The following GALNT8 variants were observed in gnomAD, a reference collection of about 807,000 sequenced individuals.
GALNT8 encodes the protein polypeptide N-acetylgalactosaminyltransferase 8, also known as probable polypeptide N-acetylgalactosaminyltransferase 8.
GALNT8 carries 66 observed loss-of-function variants against 62.7 expected under a neutral mutation model. That is an observed-to-expected ratio of 1.05 (90% CI 0.86 to 1.29). GALNT8 has a LOEUF of 1.29. GALNT8 is among the 50% of genes most tolerant of loss of function. The pLI is 0.00. For missense variants in GALNT8, 771 were observed against 791.8 expected, an observed-to-expected ratio of 0.97 and a Z score of 0.32; for synonymous variants, 288 against 294.3, an observed-to-expected ratio of 0.98 and a Z score of 0.22.
Position 4,726,398 on chromosome 12 carries a change from C to T in GALNT8, c.212-134C>T. 3 of 650,002 alleles carry T rather than the reference C, an allele frequency of 4.6e-6. No individual in the cohort carries two copies. Among genetic ancestry groups the T allele is most frequent in the Non-Finnish European group, 5.3e-6 (2 of 380,542 alleles). 40.3% of individuals were successfully genotyped at this position (650,002 alleles called of 1,614,324 possible). On this transcript the variant is annotated intron_variant, in intron 1 of 10. Coordinates refer to ENST00000252318, the MANE Select transcript of GALNT8 (RefSeq NM_017417.2). The surrounding 1 kb of genome is among the most constrained non-coding windows in gnomAD (Gnocchi z 4.1). ...TAAGTTCCCTGACATACTACATCCTCTGTGACAAGAGCTTATAAGTTTTAA... is the reference window on the plus strand; with the variant it reads ...TAAGTTCCCTGACATACTACATCCTTTGTGACAAGAGCTTATAAGTTTTAA...
intron 10 of GALNT8, among the ~76,000 whole-genome samples, chr12:4,770,605 T>C (rs1488425165): frequency 6.6e-6 from 1 of 152,206 alleles, no homozygotes; most frequent in East Asian, 1.9e-4. Flanking sequence ...TTAGTTCTTA[T>C]AAAACATAGT....
chr12:4,770,716 G>A (rs561273004), intron 10 of GALNT8, among the ~76,000 whole-genome samples: 241 of 152,260 alleles, frequency 1.6e-3, no homozygotes, highest in Middle Eastern at 0.01. Context: ...TGTAGTAAAT[G>A]CCCAGCACTC....
At chr12:4,759,192 A>T (rs909367574) in intron 6 of GALNT8, among the ~76,000 whole-genome samples, 9 of 152,088 alleles carry the variant, frequency 5.9e-5, no homozygotes, top group Admixed American at 2.0e-4. Flanking sequence ...GAGTAAGGTA[A>T]TATTTGGATT....
chr12:4,726,773 G>C lies in GALNT8; in HGVS notation c.453G>C (p.Ala151=), dbSNP rs113018449. 8 of 1,613,996 alleles carry C rather than the reference G, an allele frequency of 5.0e-6. No homozygotes were observed. The highest frequency in any genetic ancestry group is 2.2e-5 in the South Asian group (2 of 91,064). The change falls in exon 2 of 11, where the codon GCG becomes GCC. Residue 151 remains alanine, a synonymous_variant. Transcript: ENST00000252318. This position sits in a 1 kb window ranked among gnomAD's most constrained non-coding sequence, Gnocchi z 4.1. ...TCTTCCGGAAGTTTGGTTACAACGC[G>C]TACCTCAGCAACCAGCTGCCTCTCA... is the stretch of plus-strand genomic sequence containing the variant. ...QDLFRKFGYN[A]YLSNQLPLNR... is the part of the protein sequence containing the mutation.
intron 6 of GALNT8, among the ~76,000 whole-genome samples, 161 bp downstream of exon 6, chr12:4,746,419 G>A (rs1461422670): frequency 2.0e-5 from 3 of 152,140 alleles, no homozygotes; most frequent in Admixed American, 1.3e-4. Flanking sequence ...GGGGGCAATA[G>A]GACTTCTGGA....
At chr12:4,724,500 G>A (rs1946185673) in intron 1 of GALNT8, among the ~76,000 whole-genome samples, 1 of 152,204 alleles carries the variant, frequency 6.6e-6, no homozygotes, top group South Asian at 2.1e-4. Context: ...GAGAAAATCA[G>A]ATATCCCCCC....
intron 6 of GALNT8, among the ~76,000 whole-genome samples, chr12:4,751,369 T>G (rs1946321706): frequency 6.6e-6 from 1 of 152,140 alleles, no homozygotes. Flanking sequence ...TGTTTGAAAT[T>G]TTTACTGTTT....
chr12:4,737,066 A>T (rs1946248664), intron 2 of GALNT8, among the ~76,000 whole-genome samples: 1 of 152,242 alleles, frequency 6.6e-6, no homozygotes, highest in South Asian at 2.1e-4. Context: ...ACTAAAAAGT[A>T]CAATAATAAA....
At chr12:4,752,582 C>G (rs1013426471) in intron 6 of GALNT8, among the ~76,000 whole-genome samples, 2 of 150,816 alleles carry the variant, frequency 1.3e-5, no homozygotes, top group African/African-American at 4.8e-5. Context: ...TTTGTCCCCC[C>G]ACTTTTTAAC....
In GALNT8 at chr12:4,726,844, G is replaced by C. The variant is rs778570486; in HGVS notation, c.509+15G>C. ...CGAGACTACAGGTGGGATGAACCAGGCTTGGGCTTCTAGGGTCCTCAGTTT... is the reference window on the plus strand; with the variant it reads ...CGAGACTACAGGTGGGATGAACCAGCCTTGGGCTTCTAGGGTCCTCAGTTT... On this transcript the variant is annotated intron_variant, in intron 2 of 10. Transcript: ENST00000252318. This position sits in a 1 kb window ranked among gnomAD's most constrained non-coding sequence, Gnocchi z 4.1. 4.4e-6 allele frequency: 7 copies of C among 1,596,892 alleles called. No individual in the cohort carries two copies. The highest frequency in any genetic ancestry group is 6.0e-6 in the Non-Finnish European group (7 of 1,170,250).
At chr12:4,739,389 G>A (rs1173645079) in intron 3 of GALNT8, 60 bp downstream of exon 3, 2 of 1,430,362 alleles carry the variant, frequency 1.4e-6, no homozygotes, top group African/African-American at 1.4e-5. Context: ...GTGCTTGGCT[G>A]GAAAGAGGTT....
At chr12:4,760,861 C>A in intron 6 of GALNT8, 97 bp from the exon 7 acceptor site, 1 of 1,004,294 alleles carries the variant, frequency 1.0e-6, no homozygotes. Flanking sequence ...AGCTTACATT[C>A]TTTAAAAACG....
intron 3 of GALNT8, among the ~76,000 whole-genome samples, chr12:4,742,982 G>T (rs778294477): frequency 3.9e-5 from 6 of 152,078 alleles, no homozygotes; most frequent in Non-Finnish European, 8.8e-5. Flanking sequence ...GAGTTGGAAG[G>T]GTCCTGACTA....
At chr12:4,723,432 A>G (rs1185532315) in intron 1 of GALNT8, among the ~76,000 whole-genome samples, 2 of 152,144 alleles carry the variant, frequency 1.3e-5, no homozygotes, top group South Asian at 2.1e-4. Context: ...ACTATTTGGC[A>G]GAGCACCCAG....
In GALNT8 at chr12:4,772,470, C is replaced by T. The variant is rs768543421; in HGVS notation, c.1787C>T (p.Thr596Ile). The change falls in exon 11 of 11, where the codon ACC becomes ATC. Residue 596 changes from threonine (T) to isoleucine (I), a missense_variant. Thr to Ile is a moderately conservative substitution (Grantham distance 89). Transcript: ENST00000252318. ...GGAGGAGCTGTCATAAACAGAGATA[C>T]CAAGCGGTGTCTGGAGATGAAGAAG... ...KPGGAVINRD[T>I]KRCLEMKKDL... The T allele has an allele frequency of 1.7e-5, 27 of 1,613,864 alleles. No homozygotes were observed. Among genetic ancestry groups the T allele is most frequent in the Non-Finnish European group, 2.3e-5 (27 of 1,179,958 alleles).
intron 3 of GALNT8, among the ~76,000 whole-genome samples, chr12:4,742,678 G>A (rs753438999): frequency 1.1e-4 from 16 of 152,120 alleles, no homozygotes; most frequent in African/African-American, 2.4e-4. Flanking sequence ...ACTTGAAGGC[G>A]TCATAGGATT....
intron 6 of GALNT8, among the ~76,000 whole-genome samples, chr12:4,751,444 G>T (rs1207404297): frequency 6.6e-6 from 1 of 151,996 alleles, no homozygotes; most frequent in Non-Finnish European, 1.5e-5. Context: ...CATAGGTTTT[G>T]GTATGTTGTG....
In GALNT8 at chr12:4,761,134, A is replaced by T. The variant is rs763424884; in HGVS notation, c.1350A>T (p.Ile450=). 11 of 1,613,308 alleles carry T rather than the reference A, an allele frequency of 6.8e-6. No homozygotes were observed. The highest frequency in any genetic ancestry group is 4.0e-5 in the African/African-American group (3 of 74,874). ...HKHMVYLAWN[I]PLQNSGIDFG... is the part of the protein sequence containing the mutation. Reference sequence around the variant, plus strand: ...ACATGGTCTACTTGGCCTGGAACATACCTCTCCAGGTGAGTCATGGAATTG... The same window carrying T: ...ACATGGTCTACTTGGCCTGGAACATTCCTCTCCAGGTGAGTCATGGAATTG... The change falls in exon 7 of 11, where the codon ATA becomes ATT. Residue 450 remains isoleucine, a synonymous_variant. Transcript: ENST00000252318.
At position 4,760,810 on chromosome 12, in the gene GALNT8, A is replaced by C. The variant is rs1565389113; in HGVS notation, c.1174-148A>C. 3 of 636,380 alleles carry C rather than the reference A, an allele frequency of 4.7e-6. No homozygotes were observed. The East Asian group carries it at 8.0e-5, about 17-fold the overall frequency. The allele number at this position is 636,380 out of a possible 1,614,324, so 39.4% of individuals were successfully genotyped here. On this transcript the variant is annotated intron_variant, in intron 6 of 10. Transcript: ENST00000252318. The stretch of plus-strand genomic sequence containing the variant: ...CTAAGGAAAGATGATTTAGATAAGA[A>C]AGTTAGAGGAGGCAATATAAAGGCA...
Sources: gnomAD v4.1 joint callset for allele counts (sites outside exome capture counted in the v4.1 genomes callset) on GRCh38, gnomAD v4.1.1 for gene constraint, Gnocchi (gnomAD v3.1) non-coding constraint, MANE v1.5 for transcripts, NCBI Gene and HGNC (gene_info 2026-07-23, HGNC 2026-07-21) for gene names.